The following MBD5 variants were observed in gnomAD, a reference collection of about 807,000 sequenced individuals.
MBD5 encodes the protein methyl-CpG binding domain protein 5.
MBD5 carries 13 observed loss-of-function variants against 117.3 expected under a neutral mutation model. The ratio of observed to expected loss-of-function variants is 0.11; its 90% CI spans 0.07 to 0.18. The LOEUF (loss-of-function observed/expected upper bound fraction) is 0.18. Ranked by LOEUF, MBD5 falls within the 10% of genes least tolerant of loss-of-function variation. The probability of loss-of-function intolerance (pLI) is 1.00; values close to 1 mark genes in which losing one functional copy is unlikely to be tolerated. For missense variants in MBD5, 1,879 were observed against 2,093.8 expected, an observed-to-expected ratio of 0.90 and a Z score of 2.00; for synonymous variants, 727 against 766.4, an observed-to-expected ratio of 0.95 and a Z score of 0.85.
chr2:148,241,078 A>G (rs922890622), intron 3 of MBD5, among the ~76,000 whole-genome samples: 5 of 151,006 alleles, frequency 3.3e-5, no homozygotes, highest in Admixed American at 6.6e-5. Flanking sequence ...CTTTCTGTGG[A>G]CTTTGGTTTA....
intron 11 of MBD5, among the ~76,000 whole-genome samples, chr2:148,497,005 G>A (rs1277378724): frequency 6.6e-6 from 1 of 151,776 alleles, no homozygotes; most frequent in Non-Finnish European, 1.5e-5. Context: ...TTGAAATATT[G>A]CACTTAAGTT....
chr2:148,188,656 C>A (rs1270567623), intron 2 of MBD5, among the ~76,000 whole-genome samples: 1 of 146,608 alleles, frequency 6.8e-6, no homozygotes, highest in African/African-American at 2.5e-5. Flanking sequence ...GCACTGTAGC[C>A]TGGGCAACAG....
intron 2 of MBD5, among the ~76,000 whole-genome samples, chr2:148,201,880 A>G (rs1699152625): frequency 6.6e-6 from 1 of 152,196 alleles, no homozygotes; most frequent in South Asian, 2.1e-4. Context: ...AAGGGGCACA[A>G]CAGTGTAGAA....
intron 4 of MBD5, among the ~76,000 whole-genome samples, chr2:148,438,360 T>C (rs1259948585): frequency 1.3e-5 from 2 of 152,198 alleles, no homozygotes; most frequent in African/African-American, 4.8e-5. Flanking sequence ...AAACTCTGGT[T>C]ACTGCTCAGA....
At chr2:148,253,802 T>C (rs1277991557) in intron 3 of MBD5, among the ~76,000 whole-genome samples, 4 of 152,210 alleles carry the variant, frequency 2.6e-5, no homozygotes, top group Non-Finnish European at 4.4e-5. Flanking sequence ...TTATACCTTT[T>C]ACAGACAATA....
At chr2:148,254,483 G>A (rs867428020) in intron 3 of MBD5, among the ~76,000 whole-genome samples, 1 of 152,148 alleles carries the variant, frequency 6.6e-6, no homozygotes, top group Non-Finnish European at 1.5e-5. Context: ...GATAGTCATT[G>A]TCAAGGGGTA....
intron 1 of MBD5, among the ~76,000 whole-genome samples, chr2:148,178,493 G>A (rs913461368): frequency 2.6e-5 from 4 of 152,060 alleles, no homozygotes; most frequent in South Asian, 2.1e-4. Flanking sequence ...CATAACTTAC[G>A]TTCCACAAAA....
At position 148,469,249 on chromosome 2, in the gene MBD5, C is replaced by G; in HGVS notation, c.1306C>G (p.Pro436Ala). 1 of 1,614,004 alleles carries G rather than the reference C, an allele frequency of 6.2e-7. No homozygotes were observed. The highest frequency in any genetic ancestry group is 8.5e-7 in the Non-Finnish European group (1 of 1,179,954). The change falls in exon 8 of 14, where the codon CCT (proline) becomes GCT (alanine). Residue 436 changes from proline (P) to alanine (A), a missense_variant. Around this residue, in one of 4 missense-constraint regions of MBD5, gnomAD observed 1,666 missense variants for 1,792.2 expected, o/e 0.93. Transcript: ENST00000642680. ...VQHSASTSLS[P>A]SPVTSPVHMM... ...GCATTCAGCTTCAACCTCCCTGTCC[C>G]CTTCTCCAGTGACATCCCCCGTGCA...
At chr2:148,102,720 AC>A in intron 1 of MBD5, among the ~76,000 whole-genome samples, 3 of 87,274 alleles carry the variant, frequency 3.4e-5, no homozygotes, top group African/African-American at 8.1e-5. Flanking sequence ...ACACACACAC[AC>A]ACACACACAG....
chr2:148,062,345 T>C (rs546564856), intron 1 of MBD5: 19 of 151,906 alleles, frequency 1.3e-4, no homozygotes, highest in Non-Finnish European at 1.5e-4. Context: ...ACAGTTATAG[T>C]CTTTACTCAA....
rs1343597559 is a variant in MBD5, at chr2:148,469,180, A to G, written c.1237A>G (p.Lys413Glu). ...LPSNLPLPTV[K>E]PGHMNHGSHV... The stretch of plus-strand genomic sequence containing the variant: ...AAGTAATCTCCCATTGCCAACTGTA[A>G]AACCTGGTCACATGAATCATGGGAG... Residue 413 changes from lysine (K) to glutamate (E), a missense_variant, in exon 8 of 14, where the codon AAA (lysine) becomes GAA (glutamate). Physicochemically the swap from Lys to Glu is moderately conservative, Grantham distance 56. Transcript: ENST00000642680. 1.2e-6 allele frequency: 2 copies of G among 1,613,996 alleles called. No individual in the cohort carries two copies. The highest frequency in any genetic ancestry group is 3.3e-5 in the Admixed American group (2 of 59,988).
At chr2:148,271,544 T>A in intron 3 of MBD5, among the ~76,000 whole-genome samples, 1 of 152,202 alleles carries the variant, frequency 6.6e-6, no homozygotes, top group Non-Finnish European at 1.5e-5. Flanking sequence ...ATAAAGTACA[T>A]ATCCTCATTG....
chr2:148,194,790 AAAT>A, intron 2 of MBD5, among the ~76,000 whole-genome samples: 1 of 151,968 alleles, frequency 6.6e-6, no homozygotes, highest in African/African-American at 2.4e-5. Context: ...AAAAAAAAAA[AAAT>A]GAAAGAACAG....
chr2:148,282,542 AAT>A (rs1491302191), intron 3 of MBD5, among the ~76,000 whole-genome samples: 2 of 136,622 alleles, frequency 1.5e-5, no homozygotes, highest in South Asian at 2.4e-4. Context: ...AGGTTAAAAA[AAT>A]ATGTATATAT....
chr2:148,216,808 G>C (rs951695547), intron 2 of MBD5, among the ~76,000 whole-genome samples: 1 of 151,926 alleles, frequency 6.6e-6, no homozygotes. Flanking sequence ...TACTTCTTCC[G>C]CTGACCCTCA....
At chr2:148,122,297 T>C (rs1381550580) in intron 1 of MBD5, among the ~76,000 whole-genome samples, 1 of 152,208 alleles carries the variant, frequency 6.6e-6, no homozygotes, top group Non-Finnish European at 1.5e-5. Flanking sequence ...TTGTCTGGTA[T>C]ATAAAAGTTT....
intron 3 of MBD5, among the ~76,000 whole-genome samples, chr2:148,239,594 C>T (rs532198446): frequency 6.2e-4 from 94 of 150,940 alleles, no homozygotes; most frequent in African/African-American, 1.9e-3. Flanking sequence ...TTATGAGTAA[C>T]GTTTATTGAT....
At chr2:148,478,368 A>C (rs1681037944) in intron 8 of MBD5, among the ~76,000 whole-genome samples, 1 of 152,106 alleles carries the variant, frequency 6.6e-6, no homozygotes, top group African/African-American at 2.4e-5. Flanking sequence ...GTGGATCACA[A>C]GGTCAGGAGT....
intron 3 of MBD5, among the ~76,000 whole-genome samples, chr2:148,288,450 C>T (rs1399092307): frequency 6.8e-6 from 1 of 146,480 alleles, no homozygotes; most frequent in Non-Finnish European, 1.5e-5. Context: ...GAAATTCATT[C>T]ATAGCATTGA....
Sources: gnomAD v4.1 joint callset for allele counts (sites outside exome capture counted in the v4.1 genomes callset) on GRCh38, gnomAD v4.1.1 for gene constraint, gnomAD v4.1.1 regional missense constraint, MANE v1.5 for transcripts, NCBI Gene and HGNC (gene_info 2026-07-23, HGNC 2026-07-21) for gene names.